The following RRM1 variants were observed in gnomAD, a reference collection of about 807,000 sequenced individuals.
RRM1 encodes ribonucleotide reductase catalytic subunit M1, also known as ribonucleoside-diphosphate reductase large subunit.
In RRM1, 19 loss-of-function variants were observed where a neutral mutation model predicts 101.5. The ratio of observed to expected loss-of-function variants is 0.19; its 90% CI spans 0.13 to 0.27. The LOEUF is 0.27. Among genes scored for constraint, RRM1 ranks in the 10% least tolerant of loss-of-function variants. RRM1 has a pLI of 1.00. For synonymous variants in RRM1, 298 were observed against 323.4 expected (o/e 0.92, Z 0.84); for missense variants, 500 against 962.9 (o/e 0.52, Z 6.36).
chr11:4,114,550 TAAAA>T (rs776225425), intron 7 of RRM1, among the ~76,000 whole-genome samples: 1 of 130,722 alleles, frequency 7.6e-6, no homozygotes. Context: ...AACTCTATCT[TAAAA>T]AAAAAAAAAA....
At chr11:4,107,374 A>G in intron 3 of RRM1, 61 bp from the exon 4 acceptor site, 2 of 1,138,762 alleles carry the variant, frequency 1.8e-6, no homozygotes, top group East Asian at 2.3e-5. Context: ...ACTATTACCT[A>G]AAGATTGAAT....
intron 1 of RRM1, among the ~76,000 whole-genome samples, chr11:4,096,609 C>G (rs959928710): frequency 4.6e-5 from 7 of 152,082 alleles, no homozygotes. Flanking sequence ...TTTTATTGAT[C>G]CATTCATAAG....
chr11:4,123,528 G>A lies in RRM1; in HGVS notation c.1320+144G>A. ...AGAAGAACACTGTTAAAGGCAGAGA[G>A]CAAAGGAAGGAAAGGGTATGATCTG... On this transcript the variant is annotated intron_variant, in intron 12 of 18. Transcript: ENST00000300738. 8.8e-6 allele frequency: 6 copies of A among 679,174 alleles called. No individual in the cohort carries two copies. In the South Asian group the frequency reaches 9.3e-5, roughly 11 times the overall value. 42.1% of individuals were successfully genotyped at this position (679,174 alleles called of 1,614,324 possible).
intron 4 of RRM1, among the ~76,000 whole-genome samples, chr11:4,107,890 C>A (rs11030967): frequency 6.6e-6 from 1 of 151,940 alleles, no homozygotes; most frequent in South Asian, 2.1e-4. Flanking sequence ...AGTTGTATAA[C>A]GTTCCATTTT....
In RRM1 at chr11:4,127,134, G is replaced by A; in HGVS notation, c.1570G>A (p.Ala524Thr). 6.2e-7 allele frequency: 1 copy of A among 1,614,130 alleles called. No homozygotes were observed. Among genetic ancestry groups the A allele is most frequent in the Non-Finnish European group, 8.5e-7 (1 of 1,180,012 alleles). Residue 524 changes from alanine (A) to threonine (T), a missense_variant, in exon 14 of 19, where the codon GCC (alanine) becomes ACC (threonine). This residue lies in a region of RRM1 where 106 missense variants were observed against 138.1 expected (regional missense o/e 0.77). Coordinates refer to ENST00000300738, the MANE Select transcript of RRM1 (RefSeq NM_001033.5). ...LMRYPFESAE[A>T]QLLNKQIFET... ...GAGATACCCTTTTGAGAGTGCAGAA[G>A]CCCAGTTACTGAATAAGCAGATCTT...
rs546335207 is a variant in RRM1, at chr11:4,094,866, A to C, written c.-147A>C. 2.5e-4 allele frequency: 201 copies of C among 803,062 alleles called. No individual in the cohort carries two copies. The African/African-American group carries it at 3.0e-3, about 12-fold the overall frequency. 49.7% of individuals were successfully genotyped at this position (803,062 alleles called of 1,614,324 possible). On this transcript the variant is annotated 5_prime_UTR_variant, in exon 1 of 19. Coordinates refer to ENST00000300738, the MANE Select transcript of RRM1 (RefSeq NM_001033.5). ...GATTGTTGCGCCTCTGCTCTGAAGA[A>C]AGTGCTGTCTGGCTCCAACTCCAGT...
intron 8 of RRM1, 188 bp from the exon 9 acceptor site, chr11:4,119,657 A>G: frequency 1.8e-6 from 1 of 554,554 alleles, no homozygotes. Context: ...ACATAATTGT[A>G]ATTTATTCAA....
rs1254425681 is a variant in RRM1 at position 4,126,752 on chromosome 11, T to C, written c.1389T>C (p.Phe463=). ...MYVTSEHTYD[F]KKLAEVTKVV... Reference sequence around the variant, plus strand: ...TCACATCAGAACACACATACGACTTTAAGAAGTTGGCTGAAGTCACTAAAG... The same window carrying C: ...TCACATCAGAACACACATACGACTTCAAGAAGTTGGCTGAAGTCACTAAAG... The change falls in exon 13 of 19, where the codon TTT becomes TTC. Residue 463 remains phenylalanine (F), a synonymous_variant. Coordinates refer to ENST00000300738, the MANE Select transcript of RRM1 (RefSeq NM_001033.5). The C allele has an allele frequency of 3.1e-6, 5 of 1,613,928 alleles. No homozygotes were observed. Among genetic ancestry groups the C allele is most frequent in the African/African-American group, 2.7e-5 (2 of 75,032 alleles).
intron 2 of RRM1, among the ~76,000 whole-genome samples, chr11:4,104,374 T>C (rs1193143981): frequency 1.3e-5 from 2 of 152,078 alleles, no homozygotes; most frequent in Non-Finnish European, 2.9e-5. Flanking sequence ...TTGAGGGGAG[T>C]ATGCATTGTT....
At chr11:4,112,974 AAT>A (rs1325620074) in intron 7 of RRM1, among the ~76,000 whole-genome samples, 2 of 152,158 alleles carry the variant, frequency 1.3e-5, no homozygotes, top group Non-Finnish European at 2.9e-5. Context: ...TTAAGATAAA[AAT>A]ATATATAAAA....
At chr11:4,119,412 T>C (rs1366244558) in intron 8 of RRM1, among the ~76,000 whole-genome samples, 1 of 152,224 alleles carries the variant, frequency 6.6e-6, no homozygotes, top group Non-Finnish European at 1.5e-5. Flanking sequence ...TTACCTTATT[T>C]ATTGCCCTGA....
chr11:4,107,217 A>C (rs1180363003), intron 3 of RRM1, among the ~76,000 whole-genome samples: 18 of 152,238 alleles, frequency 1.2e-4, no homozygotes, highest in Admixed American at 1.2e-3. Context: ...AACTACAAGA[A>C]CTTATAATCA....
rs542967072 is a variant in RRM1 at position 4,103,739 on chromosome 11, C to T, written c.108+1658C>T. On this transcript the variant is annotated intron_variant, in intron 2 of 18. Transcript: ENST00000300738. ...TGGGGATCAAATGATTCTTGTGCCT[C>T]AGCCTCCCTCAGCTGGGATTACAGG... Among the ~76,000 whole-genome samples, 4 of 151,634 alleles carry T rather than the reference C, an allele frequency of 2.6e-5. No homozygotes were observed. In the South Asian group the frequency reaches 8.3e-4, roughly 32 times the overall value.
At chr11:4,126,923 T>A in intron 13 of RRM1, 90 bp downstream of exon 13, 1 of 1,422,958 alleles carries the variant, frequency 7.0e-7, no homozygotes, top group Non-Finnish European at 9.7e-7. Context: ...TTTAAATGGT[T>A]ATCAATAAAA....
intron 1 of RRM1, 50 bp from the exon 2 acceptor site, chr11:4,101,943 A>G: frequency 1.0e-6 from 1 of 955,940 alleles, no homozygotes; most frequent in Non-Finnish European, 1.7e-6. Flanking sequence ...TGTAGTCTTA[A>G]TAATTGCTAA....
chr11:4,130,084 ATATT>A (rs1431721060), intron 15 of RRM1, among the ~76,000 whole-genome samples: 7 of 98,020 alleles, frequency 7.1e-5, no homozygotes, highest in African/African-American at 2.2e-4. Flanking sequence ...ATATATATAT[ATATT>A]TTTTTTTTTT....
At chr11:4,097,051 G>T (rs921117326) in intron 1 of RRM1, among the ~76,000 whole-genome samples, 1 of 151,818 alleles carries the variant, frequency 6.6e-6, no homozygotes, top group Non-Finnish European at 1.5e-5. Flanking sequence ...TTGGGAGGCT[G>T]AGGTGGGTGG....
intron 17 of RRM1, 39 bp from the exon 18 acceptor site, chr11:4,135,043 T>G (rs1452714088): frequency 2.0e-6 from 3 of 1,478,806 alleles, no homozygotes; most frequent in South Asian, 1.3e-5. Flanking sequence ...CTGCTTTCTT[T>G]AACTGGAGTA....
chr11:4,120,440 C>T lies in RRM1; in HGVS notation c.876+512C>T, dbSNP rs373469310. 1.6e-4 allele frequency among the ~76,000 whole-genome samples: 25 copies of T among 151,998 alleles called. No homozygotes were observed. In the South Asian group the frequency reaches 3.3e-3, roughly 20 times the overall value. On this transcript the variant is annotated intron_variant, in intron 9 of 18. Transcript: ENST00000300738. ...GTGCAATGGTGCGATCTTGGCTCAC[C>T]GTAGCCTTGACCTCCTGGACTTAAG...
Sources: gnomAD v4.1 joint callset for allele counts (sites outside exome capture counted in the v4.1 genomes callset) on GRCh38, gnomAD v4.1.1 for gene constraint, gnomAD v4.1.1 regional missense constraint, MANE v1.5 for transcripts, NCBI Gene and HGNC (gene_info 2026-07-23, HGNC 2026-07-21) for gene names.